POF1B: variants seen among roughly 807,000 people sequenced by gnomAD.
POF1B encodes protein POF1B.
POF1B carries 53 observed loss-of-function variants against 55.3 expected under a neutral mutation model. That is an observed-to-expected ratio of 0.96 (90% CI 0.77 to 1.20). The LOEUF (loss-of-function observed/expected upper bound fraction) is 1.20. Ranked by LOEUF, POF1B falls within the 50% of genes most tolerant of loss-of-function variation. The pLI, the probability that POF1B is intolerant of heterozygous loss-of-function variation, is 0.00. For synonymous variants in POF1B, 188 were observed against 148.3 expected (o/e 1.27, Z -1.95); for missense variants, 478 against 420.5 (o/e 1.14, Z -1.20).
rs764191414 is a variant in POF1B at position 85,367,708 on chromosome X, G to T, written c.341C>A (p.Thr114Asn). 31 of 1,168,180 alleles carry T rather than the reference G, an allele frequency of 2.7e-5. No homozygotes were observed. Among genetic ancestry groups the T allele is most frequent in the Non-Finnish European group, 3.6e-5 (31 of 864,342 alleles). ...TTCTTTTACCTGTTCAGTATTTTGGGTTATATGTAGAGTACTTGGGGCACA... is the reference window on the plus strand; with the variant it reads ...TTCTTTTACCTGTTCAGTATTTTGGTTTATATGTAGAGTACTTGGGGCACA... ...STCAPSTLHITQNTEQELHSP... is the reference protein window; with the variant it reads ...STCAPSTLHINQNTEQELHSP... The change falls in exon 3 of 17, where the codon ACC becomes AAC. Residue 114 changes from threonine (T) to asparagine (N), a missense_variant. Thr to Asn is a moderately conservative substitution (Grantham distance 65, BLOSUM62 0). Coordinates refer to ENST00000262753, the MANE Select transcript of POF1B (RefSeq NM_024921.4).
intron 2 of POF1B, among the ~76,000 whole-genome samples, chrX:85,373,480 T>A (rs144681993): frequency 0.014 from 1,571 of 111,613 alleles, 32 homozygotes; most frequent in African/African-American, 0.049. Context: ...CATGGAAGAG[T>A]TGTGAAAAAC....
rs532629736 is a variant in POF1B at position 85,370,558 on chromosome X, G to A, written c.283-2792C>T. ...CAGTATGGATTTAGGCTGATCATAAGGGGGAAAACCTCTCTGAAAATAGGT... is the reference window on the plus strand; with the variant it reads ...CAGTATGGATTTAGGCTGATCATAAAGGGGAAAACCTCTCTGAAAATAGGT... On this transcript the variant is annotated intron_variant, in intron 2 of 16. Transcript: ENST00000262753. 1.4e-4 allele frequency among the ~76,000 whole-genome samples: 16 copies of A among 111,859 alleles called. No individual in the cohort carries two copies. In the South Asian group the frequency reaches 5.5e-3, roughly 39 times the overall value.
In POF1B at chrX:85,345,911, T is replaced by C; in HGVS notation, c.672A>G (p.Thr224=). The change falls in exon 6 of 17, where the codon ACA becomes ACG. Residue 224 remains threonine, a synonymous_variant. Transcript: ENST00000262753. ...TATGGCACAGTTCATTTCCAATATG[T>C]GTAGAAATTGGATTATTTCCTGTGA... The part of the protein sequence containing the change: ...QAITGNNPIS[T]HIGNELCHSG... 1 of 1,208,477 alleles carries C rather than the reference T, an allele frequency of 8.3e-7. No homozygotes were observed. The highest frequency in any genetic ancestry group is 1.1e-6 in the Non-Finnish European group (1 of 893,609).
chrX:85,323,142 A>C (rs1293215894), intron 7 of POF1B, among the ~76,000 whole-genome samples: 1 of 111,634 alleles, frequency 9.0e-6, no homozygotes, highest in Non-Finnish European at 1.9e-5. Context: ...AGACACATGC[A>C]CACGTACATT....
chrX:85,331,103 T>A, intron 6 of POF1B, 24 bp from the exon 7 acceptor site: 1 of 1,180,959 alleles, frequency 8.5e-7, no homozygotes, highest in Middle Eastern at 2.4e-4. Flanking sequence ...CAATCACAAT[T>A]GTAAGCAATA....
chrX:85,337,210 T>C (rs936453343), intron 6 of POF1B, among the ~76,000 whole-genome samples: 10 of 111,609 alleles, frequency 9.0e-5, no homozygotes, highest in Admixed American at 4.8e-4. Flanking sequence ...AGCTCTGCAG[T>C]ATAATTTGAA....
chrX:85,350,039 T>TA (rs1933347684), intron 5 of POF1B, among the ~76,000 whole-genome samples: 3 of 110,489 alleles, frequency 2.7e-5, no homozygotes, highest in African/African-American at 9.9e-5. Context: ...CAGTTTTTTT[T>TA]ATTATTATTA....
chrX:85,338,416 T>C (rs1933113005), intron 6 of POF1B, among the ~76,000 whole-genome samples: 1 of 111,895 alleles, frequency 8.9e-6, no homozygotes, highest in Non-Finnish European at 1.9e-5. Flanking sequence ...TGTGAGTGTG[T>C]GTTTCCAGTT....
chrX:85,337,721 A>G (rs993721347), intron 6 of POF1B, among the ~76,000 whole-genome samples: 6 of 112,149 alleles, frequency 5.4e-5, no homozygotes, highest in Non-Finnish European at 1.1e-4. Flanking sequence ...GTGAAAAAAC[A>G]TAGATAGCAA....
At chrX:85,334,942 C>A (rs891861425) in intron 6 of POF1B, among the ~76,000 whole-genome samples, 2 of 111,603 alleles carry the variant, frequency 1.8e-5, no homozygotes, top group Non-Finnish European at 3.8e-5. Context: ...TTCAGCTGAG[C>A]TATCTATATT....
chrX:85,330,897 T>TGTA, intron 7 of POF1B, 52 bp downstream of exon 7: 1 of 1,089,915 alleles, frequency 9.2e-7, no homozygotes, highest in South Asian at 2.7e-5. Flanking sequence ...ACTAGAATGT[T>TGTA]GTAAAATGTT....
chrX:85,279,260 T>C lies in POF1B; in HGVS notation c.*161A>G. ...GTCTCATAAATGGGTGAAGAAATTG[T>C]CATCTACAGAACTAATTCATTCCAT... On this transcript the variant is annotated 3_prime_UTR_variant, in exon 17 of 17. Coordinates refer to ENST00000262753, the MANE Select transcript of POF1B (RefSeq NM_024921.4). 4.1e-6 allele frequency: 2 copies of C among 482,351 alleles called. No individual in the cohort carries two copies. The highest frequency in any genetic ancestry group is 7.0e-6 in the Non-Finnish European group (2 of 283,926). The allele number at this position is 482,351 out of a possible 1,213,427, so 39.8% of individuals were successfully genotyped here.
chrX:85,288,468 A>G (rs190763026), intron 15 of POF1B, among the ~76,000 whole-genome samples: 1 of 111,614 alleles, frequency 9.0e-6, no homozygotes, highest in Admixed American at 9.5e-5. Context: ...CACTGACAGA[A>G]CAGAGATTGT....
chrX:85,299,155 A>G lies in POF1B; in HGVS notation c.1649+4251T>C, dbSNP rs768054313. ...TTCTATTCTCATCTCTGTCTCTCCA[A>G]CTATGCAATAGAATTTTAAAACAAT... On this transcript the variant is annotated intron_variant, in intron 15 of 16. Transcript: ENST00000262753. Among the ~76,000 whole-genome samples the G allele has an allele frequency of 1.0e-4, 11 of 109,239 alleles. No homozygotes were observed. In the East Asian group the frequency reaches 2.3e-3, roughly 23 times the overall value. 94.9% of individuals were successfully genotyped at this position (109,239 alleles called of 115,157 possible).
chrX:85,344,225 A>G lies in POF1B; in HGVS notation c.723+1635T>C, dbSNP rs191642432. Among the ~76,000 whole-genome samples, 26 of 110,320 alleles carry G rather than the reference A, an allele frequency of 2.4e-4. No homozygotes were observed. The East Asian group carries it at 3.2e-3, about 13-fold the overall frequency. The stretch of plus-strand genomic sequence containing the variant: ...ATGTCTTTCATGCCATACAAATCAA[A>G]CCCCTAACTTTTTCTGAAACCCAGA... On this transcript the variant is annotated intron_variant, in intron 6 of 16. Transcript: ENST00000262753.
At chrX:85,344,265 A>G (rs913323371) in intron 6 of POF1B, among the ~76,000 whole-genome samples, 1 of 111,104 alleles carries the variant, frequency 9.0e-6, no homozygotes, top group Admixed American at 9.6e-5. Flanking sequence ...ACTTTCCCAA[A>G]TCTATAACTT....
chrX:85,339,128 G>T (rs1300714300), intron 6 of POF1B, among the ~76,000 whole-genome samples: 1 of 111,136 alleles, frequency 9.0e-6, no homozygotes, highest in East Asian at 2.9e-4. Context: ...GTTCCACATG[G>T]CTTGGGAGGC....
intron 3 of POF1B, among the ~76,000 whole-genome samples, chrX:85,362,936 C>T (rs1428466049): frequency 9.0e-6 from 1 of 110,914 alleles, no homozygotes; most frequent in Non-Finnish European, 1.9e-5. Context: ...CATTATTGGT[C>T]TGCTCAGAGA....
rs1219836061 is a variant in POF1B, at chrX:85,356,022, C to T, written c.438+3528G>A. 3.6e-4 allele frequency among the ~76,000 whole-genome samples: 40 copies of T among 110,986 alleles called. 1 individual carries two copies. Among genetic ancestry groups the T allele is most frequent in the Admixed American group, 2.3e-3 (24 of 10,415 alleles). ...GACACATGCACACATATGTTTATTG[C>T]GGCACTATTCACAATAGCAAAGACT... On this transcript the variant is annotated intron_variant, in intron 4 of 16. Coordinates refer to ENST00000262753, the MANE Select transcript of POF1B (RefSeq NM_024921.4).
Sources: allele counts gnomAD v4.1 joint callset (sites outside exome capture counted in the v4.1 genomes callset), GRCh38; gene constraint gnomAD v4.1.1; transcripts MANE v1.5; gene names NCBI Gene and HGNC (gene_info 2026-07-23, HGNC 2026-07-21).